The following IPP variants were observed in gnomAD, a reference collection of about 807,000 sequenced individuals.
IPP encodes intracisternal A particle-promoted polypeptide, also known as actin-binding protein IPP.
Under a neutral mutation model 64.1 loss-of-function variants are expected in IPP, and 41 were observed. That is an observed-to-expected ratio of 0.64 (90% CI 0.50 to 0.83). The LOEUF (loss-of-function observed/expected upper bound fraction) is 0.83. Among genes scored for constraint, IPP ranks in the 40% least tolerant of loss-of-function variants. The pLI is 0.00. For synonymous variants in IPP, 214 were observed against 235.2 expected (o/e 0.91, Z 0.83); for missense variants, 649 against 703.0 (o/e 0.92, Z 0.87).
At chr1:45,746,512 T>C in intron 1 of IPP, 51 bp from the exon 2 acceptor site, 1 of 791,212 alleles carries the variant, frequency 1.3e-6, no homozygotes, top group Non-Finnish European at 2.1e-6. Flanking sequence ...TTTAACATGC[T>C]TTCTATTCAC....
chr1:45,699,232 G>A lies in IPP; in HGVS notation c.*734C>T, dbSNP rs963464003. The A allele has an allele frequency of 1.0e-5, 10 of 985,200 alleles. No individual in the cohort carries two copies. The African/African-American group carries it at 1.7e-4, about 17-fold the overall frequency. The allele number at this position is 985,200 out of a possible 1,614,324, so 61.0% of individuals were successfully genotyped here. A position where few individuals can be genotyped will look rare whatever the true frequency, so the allele number is the denominator to read the frequency against. On this transcript the variant is annotated 3_prime_UTR_variant, in exon 9 of 9. Transcript: ENST00000396478. The stretch of plus-strand genomic sequence containing the variant: ...GATATTTCCCAAACACCCCTCCTAG[G>A]ATATCTGCTGCCAATAAAAAGTTTG...
At chr1:45,740,524 G>T (rs576121278) in intron 3 of IPP, among the ~76,000 whole-genome samples, 1 of 151,800 alleles carries the variant, frequency 6.6e-6, no homozygotes, top group South Asian at 2.1e-4. Flanking sequence ...CTCCCTCCCA[G>T]ACAGGGCGGC....
chr1:45,714,403 T>C lies in IPP; in HGVS notation c.1373A>G (p.Tyr458Cys), dbSNP rs1645630850. ...AGACCAACGCTTAGAAAGTGGATCA[T>C]AGACTTCAAAAGAACGAAGTTCTAT... ...EGIELRSFEV[Y>C]DPLSKRWSPL... Residue 458 changes from tyrosine to cysteine, a missense_variant, in exon 8 of 9, where the codon TAT becomes TGT. Physicochemically the swap from Tyr to Cys is radical, Grantham distance 194. Coordinates refer to ENST00000396478, the MANE Select transcript of IPP (RefSeq NM_005897.3). 1.9e-6 allele frequency: 3 copies of C among 1,614,164 alleles called. No homozygotes were observed. The highest frequency in any genetic ancestry group is 2.5e-6 in the Non-Finnish European group (3 of 1,179,972).
chr1:45,708,418 T>TGC (rs1645543916), intron 8 of IPP, among the ~76,000 whole-genome samples: 1 of 148,222 alleles, frequency 6.7e-6, no homozygotes, highest in Non-Finnish European at 1.5e-5. Context: ...GTGGCTCACA[T>TGC]CTGTAATCCC....
At chr1:45,738,839 CAAAAAAA>C (rs752168393) in intron 3 of IPP, among the ~76,000 whole-genome samples, 5 of 7,690 alleles carry the variant, frequency 6.5e-4, no homozygotes, top group African/African-American at 1.1e-3. Context: ...GACTCCATCT[CAAAAAAA>C]AAAAAAAAAA....
At chr1:45,701,116 T>TA (rs1357876960) in intron 8 of IPP, among the ~76,000 whole-genome samples, 1 of 152,132 alleles carries the variant, frequency 6.6e-6, no homozygotes, top group East Asian at 1.9e-4. Context: ...AGGTATTTTT[T>TA]AAAAAAAGAC....
intron 1 of IPP, among the ~76,000 whole-genome samples, chr1:45,749,525 G>GTTTTT (rs779346516): frequency 3.7e-5 from 4 of 107,088 alleles, no homozygotes; most frequent in Non-Finnish European, 6.1e-5. Flanking sequence ...TTTGTTTTTT[G>GTTTTT]TTTTTTTTTT....
chr1:45,698,534 A>G (rs1645407561), downstream of IPP, among the ~76,000 whole-genome samples: 2 of 152,248 alleles, frequency 1.3e-5, no homozygotes, highest in Non-Finnish European at 2.9e-5. Flanking sequence ...AAAAAGTTTC[A>G]GAAGTACCTA....
At chr1:45,703,058 T>C (rs975137435) in intron 8 of IPP, among the ~76,000 whole-genome samples, 2 of 152,044 alleles carry the variant, frequency 1.3e-5, no homozygotes, top group Non-Finnish European at 2.9e-5. Flanking sequence ...CATCTAGTTT[T>C]AATCCAGATT....
chr1:45,704,535 G>A (rs1043245157), intron 8 of IPP, among the ~76,000 whole-genome samples: 2 of 152,014 alleles, frequency 1.3e-5, no homozygotes, highest in Non-Finnish European at 2.9e-5. Flanking sequence ...CGCGCCCGGC[G>A]GAAGCAAAGT....
At chr1:45,729,256 G>A (rs1316003287) in intron 4 of IPP, among the ~76,000 whole-genome samples, 4 of 151,724 alleles carry the variant, frequency 2.6e-5, no homozygotes. Flanking sequence ...TAATGACTAG[G>A]ATACTGTGAA....
intron 3 of IPP, among the ~76,000 whole-genome samples, chr1:45,737,860 G>A (rs1265618911): frequency 6.6e-6 from 1 of 151,862 alleles, no homozygotes; most frequent in Non-Finnish European, 1.5e-5. Context: ...TTATCACATA[G>A]GTACTTTATC....
intron 3 of IPP, among the ~76,000 whole-genome samples, chr1:45,737,456 T>TC (rs1557757909): frequency 6.7e-6 from 1 of 150,092 alleles, no homozygotes; most frequent in Non-Finnish European, 1.5e-5. Flanking sequence ...AATAAACAAT[T>TC]CTTTTTTTTT....
Position 45,699,517 on chromosome 1 carries a change from G to C in IPP, c.*449C>G. ...ATTTCTACAAATTTGTAAAATAGGAGTTGTCTACACTTAAACTGGAGAATT... is the reference window on the plus strand; with the variant it reads ...ATTTCTACAAATTTGTAAAATAGGACTTGTCTACACTTAAACTGGAGAATT... On this transcript the variant is annotated 3_prime_UTR_variant, in exon 9 of 9. Transcript: ENST00000396478. 1 of 988,010 alleles carries C rather than the reference G, an allele frequency of 1.0e-6. No individual in the cohort carries two copies. Among genetic ancestry groups the C allele is most frequent in the Non-Finnish European group, 1.2e-6 (1 of 831,514 alleles). The allele number at this position is 988,010 out of a possible 1,614,324, so 61.2% of individuals were successfully genotyped here.
At position 45,746,100 on chromosome 1, in the gene IPP, AAC is replaced by A; in HGVS notation, c.292+18_292+19del. 6.3e-7 allele frequency: 1 copy of A among 1,590,206 alleles called. No individual in the cohort carries two copies. The highest frequency in any genetic ancestry group is 2.2e-5 in the East Asian group (1 of 44,576). ...GATTGAATCATTCTTCAGTCAAAGC[AAC>A]AGACTCATGTAACATACCTGTGTAA... On this transcript the variant is annotated intron_variant, in intron 2 of 8. Transcript: ENST00000396478.
chr1:45,738,225 T>C (rs1049605423), intron 3 of IPP, among the ~76,000 whole-genome samples: 2 of 152,194 alleles, frequency 1.3e-5, no homozygotes, highest in African/African-American at 2.4e-5. Flanking sequence ...ATGTACTTTC[T>C]GGGTGAGGTC....
At chr1:45,738,611 C>T (rs568402510) in intron 3 of IPP, among the ~76,000 whole-genome samples, 1 of 151,924 alleles carries the variant, frequency 6.6e-6, no homozygotes, top group African/African-American at 2.4e-5. Context: ...GAGGCCGAAG[C>T]GGGTGGATCA....
At chr1:45,741,436 C>A in intron 2 of IPP, 104 bp from the exon 3 acceptor site, 2 of 744,384 alleles carry the variant, frequency 2.7e-6, no homozygotes, top group Non-Finnish European at 4.3e-6. Flanking sequence ...TTGATGCCTG[C>A]AGAGTAGACA....
chr1:45,736,576 T>C (rs1226740190), intron 3 of IPP, among the ~76,000 whole-genome samples: 1 of 152,068 alleles, frequency 6.6e-6, no homozygotes, highest in Non-Finnish European at 1.5e-5. Context: ...TTGAAAAATA[T>C]TATGGTTGCC....
Sources: allele counts gnomAD v4.1 joint callset (sites outside exome capture counted in the v4.1 genomes callset), GRCh38; gene constraint gnomAD v4.1.1; transcripts MANE v1.5; gene names NCBI Gene and HGNC (gene_info 2026-07-23, HGNC 2026-07-21).